Variants in ERC2 observed in about 807,000 individuals in gnomAD.
The protein encoded by ERC2 is ELKS/RAB6-interacting/CAST family member 2.
Under a neutral mutation model 114.8 loss-of-function variants are expected in ERC2, and 42 were observed. The observed-to-expected ratio is 0.37, with a 90% CI of 0.29 to 0.47. The LOEUF (loss-of-function observed/expected upper bound fraction) is 0.47. Among genes scored for constraint, ERC2 ranks in the 20% least tolerant of loss-of-function variants. The probability of loss-of-function intolerance (pLI) is 0.99; values close to 1 mark genes in which losing one functional copy is unlikely to be tolerated. For missense variants in ERC2, 939 were observed against 1,150.7 expected, an observed-to-expected ratio of 0.82 and a Z score of 2.66; for synonymous variants, 454 against 425.5, an observed-to-expected ratio of 1.07 and a Z score of -0.82.
intron 3 of ERC2, among the ~76,000 whole-genome samples, chr3:56,249,492 AT>A (rs1323620772): frequency 6.6e-6 from 1 of 151,346 alleles, no homozygotes; most frequent in African/African-American, 2.4e-5. Flanking sequence ...CGCCCAGCTA[AT>A]TTTTTTGTAT....
chr3:55,952,398 G>A (rs1384762687), intron 12 of ERC2, among the ~76,000 whole-genome samples: 2 of 151,652 alleles, frequency 1.3e-5, no homozygotes, highest in East Asian at 1.9e-4. Flanking sequence ...ACATACACAC[G>A]TGAAGCCACC....
intron 2 of ERC2, among the ~76,000 whole-genome samples, chr3:56,358,041 G>T (rs1259704771): frequency 6.6e-6 from 1 of 151,866 alleles, no homozygotes; most frequent in Non-Finnish European, 1.5e-5. Context: ...AGGGGGAATG[G>T]GTCCTGATAA....
At chr3:55,973,337 C>T (rs2034916) in intron 12 of ERC2, among the ~76,000 whole-genome samples, 48,410 of 151,926 alleles carry the variant, frequency 0.32, 7,864 homozygotes, top group Admixed American at 0.37. Flanking sequence ...AACAGGTGAA[C>T]GTTGTGCCAC....
chr3:56,059,751 A>G (rs1433916459), intron 7 of ERC2, among the ~76,000 whole-genome samples: 3 of 152,212 alleles, frequency 2.0e-5, no homozygotes, highest in Non-Finnish European at 4.4e-5. Context: ...AAATGTTCAG[A>G]TCATACCCTT....
intron 7 of ERC2, among the ~76,000 whole-genome samples, chr3:56,024,450 C>T (rs980256930): frequency 2.6e-5 from 4 of 152,260 alleles, no homozygotes; most frequent in South Asian, 2.1e-4. Flanking sequence ...AACTGACCCC[C>T]GGACAACACC....
intron 4 of ERC2, among the ~76,000 whole-genome samples, chr3:56,153,425 C>T (rs900984642): frequency 2.6e-5 from 4 of 152,246 alleles, no homozygotes; most frequent in East Asian, 3.9e-4. Flanking sequence ...TCGGGTGATT[C>T]GGGTGTTCTA....
At chr3:56,060,721 C>T (rs1437283963) in intron 7 of ERC2, among the ~76,000 whole-genome samples, 1 of 152,204 alleles carries the variant, frequency 6.6e-6, no homozygotes, top group African/African-American at 2.4e-5. Context: ...CCAACATCGT[C>T]CCAATGGACC....
Position 55,674,982 on chromosome 3 carries a change from G to A in ERC2, c.*39+8812C>T, listed in dbSNP as rs555236119. Among the ~76,000 whole-genome samples, 115 of 152,262 alleles carry A rather than the reference G, an allele frequency of 7.6e-4. 1 individual carries two copies. Among genetic ancestry groups the A allele is most frequent in the South Asian group, 3.1e-3 (15 of 4,824 alleles). On this transcript the variant is annotated intron_variant, in intron 17 of 17. Coordinates refer to ENST00000288221, the MANE Select transcript of ERC2 (RefSeq NM_015576.3). Reference sequence around the variant, plus strand: ...CCTTATAAAGGCTCAGCATCTCAGTGATTTTGTCACCATGGGAACAACCCT... The same window carrying A: ...CCTTATAAAGGCTCAGCATCTCAGTAATTTTGTCACCATGGGAACAACCCT...
Position 55,717,069 on chromosome 3 carries a change from G to T in ERC2, c.2713-17557C>A, listed in dbSNP as rs528540682. Among the ~76,000 whole-genome samples the T allele has an allele frequency of 2.0e-5, 3 of 152,154 alleles. No individual in the cohort carries two copies. The East Asian group carries it at 5.8e-4, about 29-fold the overall frequency. On this transcript the variant is annotated intron_variant, in intron 15 of 17. Coordinates refer to ENST00000288221, the MANE Select transcript of ERC2 (RefSeq NM_015576.3). ...CCTAGAGTAGGTATTCAGTGAAGGAGGAAAAAAAGCTTGCTGGGCGATGTT... is the reference window on the plus strand; with the variant it reads ...CCTAGAGTAGGTATTCAGTGAAGGATGAAAAAAAGCTTGCTGGGCGATGTT...
At position 56,204,789 on chromosome 3, in the gene ERC2, C is replaced by T. The variant is rs2048616143; in HGVS notation, c.1075-31269G>A. Among the ~76,000 whole-genome samples, 5 of 152,212 alleles carry T rather than the reference C, an allele frequency of 3.3e-5. No individual in the cohort carries two copies. In the South Asian group the frequency reaches 1.0e-3, roughly 32 times the overall value. On this transcript the variant is annotated intron_variant, in intron 3 of 17. Transcript: ENST00000288221. ...GTGCTGGAATTACAGGTGTGAGCCACCGCACCCAGCCTAGATGCATATTTT... is the reference window on the plus strand; with the variant it reads ...GTGCTGGAATTACAGGTGTGAGCCATCGCACCCAGCCTAGATGCATATTTT...
intron 1 of ERC2, among the ~76,000 whole-genome samples, chr3:56,442,721 T>C (rs556676177): frequency 1.2e-4 from 19 of 152,358 alleles, no homozygotes; most frequent in African/African-American, 4.3e-4. Flanking sequence ...TTTTCCAAAA[T>C]TGATTTGACA....
chr3:56,463,545 T>C (rs530829507), intron 1 of ERC2, among the ~76,000 whole-genome samples: 7 of 152,322 alleles, frequency 4.6e-5, no homozygotes, highest in Non-Finnish European at 8.8e-5. Context: ...AGAAAATGAA[T>C]GTTGGGTAGG....
chr3:56,286,831 T>C (rs2054755380), intron 3 of ERC2, among the ~76,000 whole-genome samples: 1 of 152,150 alleles, frequency 6.6e-6, no homozygotes, highest in Admixed American at 6.5e-5. Context: ...CAAATCTCAA[T>C]CTAAAAACGT....
chr3:55,784,013 A>T (rs1486829886), intron 14 of ERC2, among the ~76,000 whole-genome samples: 1 of 152,230 alleles, frequency 6.6e-6, no homozygotes, highest in Non-Finnish European at 1.5e-5. Flanking sequence ...ATTACCTTAA[A>T]CTAGGACATT....
At chr3:56,408,232 G>A (rs1180358527) in intron 2 of ERC2, among the ~76,000 whole-genome samples, 2 of 152,080 alleles carry the variant, frequency 1.3e-5, no homozygotes, top group East Asian at 1.9e-4. Context: ...GCCTTCCTCC[G>A]TGCTGGGCTC....
At chr3:56,457,240 T>C (rs1171016117) in intron 1 of ERC2, among the ~76,000 whole-genome samples, 2 of 152,238 alleles carry the variant, frequency 1.3e-5, no homozygotes, top group Non-Finnish European at 2.9e-5. Flanking sequence ...TCCTAGGTGA[T>C]ATTGGGAGAG....
intron 14 of ERC2, among the ~76,000 whole-genome samples, chr3:55,788,158 C>T (rs1254954009): frequency 6.6e-6 from 1 of 152,222 alleles, no homozygotes; most frequent in Non-Finnish European, 1.5e-5. Context: ...TTGTTATCAC[C>T]TCTCTTCTCT....
intron 13 of ERC2, among the ~76,000 whole-genome samples, chr3:55,889,001 T>C (rs1320545627): frequency 1.3e-5 from 2 of 152,216 alleles, no homozygotes; most frequent in East Asian, 1.9e-4. Flanking sequence ...CCTTGTTCAA[T>C]TGGATTGCCC....
chr3:56,357,289 C>G (rs1263423530), intron 2 of ERC2, among the ~76,000 whole-genome samples: 1 of 152,192 alleles, frequency 6.6e-6, no homozygotes, highest in Non-Finnish European at 1.5e-5. Flanking sequence ...CAGACTCTTC[C>G]CAAAGACCTC....
Sources: gnomAD v4.1 joint callset for allele counts (sites outside exome capture counted in the v4.1 genomes callset) on GRCh38, gnomAD v4.1.1 for gene constraint, MANE v1.5 for transcripts, NCBI Gene and HGNC (gene_info 2026-07-23, HGNC 2026-07-21) for gene names.